Variants in GALNTL6 observed in about 807,000 individuals in gnomAD.
GALNTL6 encodes the protein polypeptide N-acetylgalactosaminyltransferase like 6, also known as polypeptide N-acetylgalactosaminyltransferase-like 6.
GALNTL6 carries 46 observed loss-of-function variants against 73.7 expected under a neutral mutation model. The ratio of observed to expected loss-of-function variants is 0.62; its 90% confidence interval spans 0.49 to 0.80. GALNTL6 has a LOEUF of 0.80. Ranked by LOEUF, GALNTL6 falls within the 30% of genes least tolerant of loss-of-function variation. The probability of loss-of-function intolerance (pLI) is 0.00; values close to 1 mark genes in which losing one functional copy is unlikely to be tolerated. For synonymous variants in GALNTL6, 259 were observed against 263.7 expected (o/e 0.98, Z 0.17); for missense variants, 604 against 755.0 (o/e 0.80, Z 2.34).
intron 5 of GALNTL6, among the ~76,000 whole-genome samples, chr4:172,767,670 T>TTTC (rs1738516531): frequency 7.3e-6 from 1 of 136,264 alleles, no homozygotes; most frequent in South Asian, 2.4e-4. Flanking sequence ...TTTTTTTCTT[T>TTTC]TTTTTTTTTT....
intron 2 of GALNTL6, among the ~76,000 whole-genome samples, chr4:172,141,334 T>C (rs955213307): frequency 2.6e-5 from 4 of 152,068 alleles, no homozygotes; most frequent in Non-Finnish European, 5.9e-5. Flanking sequence ...CAAGAATCTC[T>C]CAATCTGTTG....
intron 2 of GALNTL6, among the ~76,000 whole-genome samples, chr4:171,888,952 T>A (rs1225065767): frequency 6.6e-6 from 1 of 152,080 alleles, no homozygotes; most frequent in Admixed American, 6.6e-5. Flanking sequence ...AAAAAATAAG[T>A]GTGCAGTCTG....
chr4:172,425,279 T>C (rs532052605), intron 5 of GALNTL6: 1 of 152,242 alleles, frequency 6.6e-6, no homozygotes, highest in South Asian at 2.1e-4. Context: ...CTTTCCTTTC[T>C]GCAGATTGGT....
chr4:172,019,463 G>T (rs1183691016), intron 2 of GALNTL6, among the ~76,000 whole-genome samples: 1 of 151,648 alleles, frequency 6.6e-6, no homozygotes, highest in Non-Finnish European at 1.5e-5. Context: ...TGACAATAAA[G>T]GAATGGAAAA....
At chr4:171,993,452 G>A (rs537090872) in intron 2 of GALNTL6, among the ~76,000 whole-genome samples, 1 of 152,224 alleles carries the variant, frequency 6.6e-6, no homozygotes, top group South Asian at 2.1e-4. Context: ...ACGGAGCTGT[G>A]TCATGCTAAT....
intron 8 of GALNTL6, among the ~76,000 whole-genome samples, chr4:172,910,054 G>A (rs1326764945): frequency 6.6e-6 from 1 of 151,798 alleles, no homozygotes; most frequent in Non-Finnish European, 1.5e-5. Context: ...AAATTAAAAT[G>A]AAGGGAATAC....
intron 5 of GALNTL6, among the ~76,000 whole-genome samples, chr4:172,716,492 G>A (rs183909099): frequency 0.013 from 347 of 26,388 alleles, 2 homozygotes; most frequent in South Asian, 0.044. Flanking sequence ...GACGCCCAGA[G>A]TACAACTGTT....
intron 8 of GALNTL6, among the ~76,000 whole-genome samples, chr4:172,893,724 C>A (rs996729763): frequency 6.6e-6 from 1 of 152,170 alleles, no homozygotes; most frequent in Non-Finnish European, 1.5e-5. Flanking sequence ...AGATGGAGAG[C>A]CTGGGGGGAA....
intron 2 of GALNTL6, among the ~76,000 whole-genome samples, chr4:172,100,985 C>T (rs547444138): frequency 7.2e-5 from 11 of 152,222 alleles, no homozygotes; most frequent in South Asian, 2.1e-4. Context: ...GACCAGCCAG[C>T]TTTTGCTAAA....
At chr4:172,172,074 AC>A (rs1734847933) in intron 2 of GALNTL6, among the ~76,000 whole-genome samples, 1 of 152,204 alleles carries the variant, frequency 6.6e-6, no homozygotes. Context: ...AATCCCCAGT[AC>A]CTCAGAATGT....
intron 2 of GALNTL6, among the ~76,000 whole-genome samples, chr4:171,835,446 T>C (rs527266093): frequency 3.6e-4 from 54 of 151,456 alleles, no homozygotes; most frequent in Non-Finnish European, 7.4e-4. Flanking sequence ...AGTTTATTTA[T>C]AACTATAGCA....
chr4:172,474,244 T>G (rs11132944), intron 5 of GALNTL6, among the ~76,000 whole-genome samples: 136,264 of 152,170 alleles, frequency 0.9, 61,111 homozygotes, highest in African/African-American at 0.95. Context: ...ACTCTGTGAG[T>G]CTTTCTCTGG....
At chr4:172,401,008 G>A (rs1199232314) in intron 5 of GALNTL6, among the ~76,000 whole-genome samples, 1 of 152,108 alleles carries the variant, frequency 6.6e-6, no homozygotes, top group Admixed American at 6.6e-5. Flanking sequence ...CTAGCACAGA[G>A]AAGATAGAAA....
chr4:171,974,291 A>G (rs1236587131), intron 2 of GALNTL6, among the ~76,000 whole-genome samples: 1 of 152,050 alleles, frequency 6.6e-6, no homozygotes, highest in African/African-American at 2.4e-5. Flanking sequence ...TTTGTTTATT[A>G]TTAAGAATTG....
At chr4:171,977,482 G>A (rs557976186) in intron 2 of GALNTL6, among the ~76,000 whole-genome samples, 12 of 152,272 alleles carry the variant, frequency 7.9e-5, no homozygotes, top group Admixed American at 6.5e-4. Flanking sequence ...ACTCCTTGGG[G>A]TGTAGATGGC....
At chr4:172,962,217 G>A (rs562252229) in intron 10 of GALNTL6, among the ~76,000 whole-genome samples, 13 of 152,260 alleles carry the variant, frequency 8.5e-5, no homozygotes, top group African/African-American at 2.9e-4. Flanking sequence ...CTTTTGTGGT[G>A]GAATGTCATC....
In GALNTL6 at chr4:172,383,055, G is replaced by C. The variant is rs572116543; in HGVS notation, c.553+34366G>C. Among the ~76,000 whole-genome samples, 53 of 152,152 alleles carry C rather than the reference G, an allele frequency of 3.5e-4. 1 individual carries two copies. In the South Asian group the frequency reaches 0.011, roughly 32 times the overall value. On this transcript the variant is annotated intron_variant, in intron 5 of 12. Coordinates refer to ENST00000506823, the MANE Select transcript of GALNTL6 (RefSeq NM_001034845.3). ...GTTCTGTAATAAATCTCATTATCAGGAAGTATTAATCTTCCAACTTTGATA... is the reference window on the plus strand; with the variant it reads ...GTTCTGTAATAAATCTCATTATCAGCAAGTATTAATCTTCCAACTTTGATA...
At position 172,629,172 on chromosome 4, in the gene GALNTL6, G is replaced by A. The variant is rs73869573; in HGVS notation, c.554-180189G>A. Among the ~76,000 whole-genome samples, 1,303 of 152,258 alleles carry A rather than the reference G, an allele frequency of 8.6e-3. 16 individuals are homozygous for A. Among genetic ancestry groups the A allele is most frequent in the African/African-American group, 0.026 (1,094 of 41,528 alleles). The stretch of plus-strand genomic sequence containing the variant: ...TTGTGTATGTCTCTGTGTGTGGTGT[G>A]TGTCTGTGTGTTTTCTTCTGTTTTA... On this transcript the variant is annotated intron_variant, in intron 5 of 12. Transcript: ENST00000506823.
At chr4:172,156,555 A>ATAC (rs1165079037) in intron 2 of GALNTL6, among the ~76,000 whole-genome samples, 7 of 136,446 alleles carry the variant, frequency 5.1e-5, no homozygotes, top group South Asian at 2.2e-4. Flanking sequence ...ATATATATAT[A>ATAC]TATATATATA....
Sources: gnomAD v4.1 joint callset for allele counts (sites outside exome capture counted in the v4.1 genomes callset) on GRCh38, gnomAD v4.1.1 for gene constraint, MANE v1.5 for transcripts, NCBI Gene and HGNC (gene_info 2026-07-23, HGNC 2026-07-21) for gene names.